Variants in MEA1 observed in about 807,000 individuals in gnomAD.
MEA1 encodes Male-enhanced antigen (H-Y structural gene).
In MEA1, 22 loss-of-function variants were observed where a neutral mutation model predicts 21.4. The observed-to-expected ratio is 1.03, with a 90% CI of 0.73 to 1.47. The LOEUF (loss-of-function observed/expected upper bound fraction) is 1.47. Ranked by LOEUF, MEA1 falls within the 40% of genes most tolerant of loss-of-function variation. The probability of loss-of-function intolerance (pLI) is 0.00; values close to 1 mark genes in which losing one functional copy is unlikely to be tolerated. For missense variants in MEA1, 233 were observed against 230.5 expected (o/e 1.01, Z -0.07); for synonymous variants, 91 against 85.5 (o/e 1.06, Z -0.35).
upstream of MEA1, chr6:43,014,552 C>T (rs1360105408): frequency 2.2e-6 from 1 of 462,720 alleles, no homozygotes; most frequent in African/African-American, 2.0e-5. Flanking sequence ...GACCTGGTGT[C>T]TGGAGGAAGC....
rs1762445506 is a variant in MEA1, at chr6:43,013,400, A to C, written c.29-11T>G. 6.2e-7 allele frequency: 1 copy of C among 1,610,672 alleles called. No individual in the cohort carries two copies. The highest frequency in any genetic ancestry group is 8.5e-7 in the Non-Finnish European group (1 of 1,178,800). On this transcript the variant is annotated splice_polypyrimidine_tract_variant and intron_variant, in intron 1 of 3. Coordinates refer to ENST00000244711, the MANE Select transcript of MEA1 (RefSeq NM_014623.4). ...CCATCCGGGCAGGGGCTGCAAGAAC[A>C]GGGAGGCGGTAGGACAGGGATCGGA... is the stretch of plus-strand genomic sequence containing the variant.
Position 43,012,054 on chromosome 6 carries a change from C to G in MEA1, c.*416G>C. The stretch of plus-strand genomic sequence containing the variant: ...TTTTCTGTGCTGTTGGTTCCCAAAA[C>G]TAGAAAGAAGGAAGCAGGGAGCGGT... On this transcript the variant is annotated 3_prime_UTR_variant, in exon 4 of 4. Transcript: ENST00000244711. 2.9e-6 allele frequency: 1 copy of G among 345,722 alleles called. No individual in the cohort carries two copies. The highest frequency in any genetic ancestry group is 4.1e-6 in the Non-Finnish European group (1 of 244,010). The allele number at this position is 345,722 out of a possible 1,614,324, so 21.4% of individuals were successfully genotyped here.
chr6:43,015,587 C>T (rs1426002368), upstream of MEA1, among the ~76,000 whole-genome samples: 8 of 152,136 alleles, frequency 5.3e-5, no homozygotes, highest in East Asian at 9.7e-4. Context: ...TGGTGGCTCA[C>T]GCCTGTAATC....
chr6:43,015,264 T>C (rs1171372405), upstream of MEA1, among the ~76,000 whole-genome samples: 1 of 152,078 alleles, frequency 6.6e-6, no homozygotes, highest in Admixed American at 6.6e-5. Context: ...CCCATGGCTA[T>C]TTAAAGCTTA....
upstream of MEA1, chr6:43,014,015 G>A: frequency 1.4e-6 from 2 of 1,416,450 alleles, no homozygotes; most frequent in South Asian, 3.2e-5. Context: ...TCCGCCCCTT[G>A]CCCCGCCTCC....
upstream of MEA1, chr6:43,014,137 C>T: frequency 7.1e-6 from 10 of 1,415,674 alleles, no homozygotes; most frequent in Non-Finnish European, 9.2e-6. Context: ...ACTCCTCAGC[C>T]CTCTCGTCCC....
Position 43,012,961 on chromosome 6 carries a change from G to A in MEA1, c.371C>T (p.Ala124Val), listed in dbSNP as rs148647027. 35 of 1,614,112 alleles carry A rather than the reference G, an allele frequency of 2.2e-5. No individual in the cohort carries two copies. The highest frequency in any genetic ancestry group is 6.7e-5 in the Admixed American group (4 of 60,024). Residue 124 changes from alanine to valine, a missense_variant, in exon 3 of 4, where the codon GCG (alanine) becomes GTG (valine). Transcript: ENST00000244711. The stretch of plus-strand genomic sequence containing the variant: ...GGGAATAGAGCTGTGGTTGTTCAAC[G>A]CTGTAGCTCCCTCCTCATCTTCATC... Reference protein sequence around the residue: ...SEDEDEEGATALNNHSSIPMD... With the variant: ...SEDEDEEGATVLNNHSSIPMD...
At position 43,011,213 on chromosome 6, in the gene MEA1, T is replaced by TGTACACCATCAA; in HGVS notation, c.*1245_*1256dup. 6.2e-7 allele frequency: 1 copy of TGTACACCATCAA among 1,614,122 alleles called. No homozygotes were observed. The highest frequency in any genetic ancestry group is 8.5e-7 in the Non-Finnish European group (1 of 1,180,008). On this transcript the variant is annotated 3_prime_UTR_variant, in exon 4 of 4. Coordinates refer to ENST00000244711, the MANE Select transcript of MEA1 (RefSeq NM_014623.4). ...AGGAAGTCGGAGCTGCCCCAGGACGTGTACACCATCAAGGCACTGGAGGCG... is the reference window on the plus strand; with the variant it reads ...AGGAAGTCGGAGCTGCCCCAGGACGTGTACACCATCAAGTACACCATCAAGGCACTGGAGGCG...
At chr6:43,014,234 A>C, upstream of MEA1, 1 of 1,144,980 alleles carries the variant, frequency 8.7e-7, no homozygotes, top group Non-Finnish European at 1.2e-6. Context: ...CGCCGGAAGA[A>C]CCGAGCTTGG....
rs115219326 is a variant in MEA1, at chr6:43,011,671, T to C, written c.*799A>G. The C allele has an allele frequency of 2.4e-3, 560 of 231,142 alleles. 1 individual carries two copies. The highest frequency in any genetic ancestry group is 0.012 in the African/African-American group (508 of 43,914). 14.3% of individuals were successfully genotyped at this position (231,142 alleles called of 1,614,324 possible). A position where few individuals can be genotyped will look rare whatever the true frequency, so the allele number is the denominator to read the frequency against. On this transcript the variant is annotated 3_prime_UTR_variant, in exon 4 of 4. Transcript: ENST00000244711. ...CGCCAGGTATCTCCCCTCCTCTCTC[T>C]CCCCTGCAGAGGCATGTAGGGAACA...
upstream of MEA1, among the ~76,000 whole-genome samples, chr6:43,015,378 C>G (rs1243385018): frequency 6.6e-6 from 1 of 152,176 alleles, no homozygotes; most frequent in African/African-American, 2.4e-5. Context: ...GTTTTAGTGC[C>G]TGAGGTTTTG....
Position 43,013,009 on chromosome 6 carries a change from G to C in MEA1, c.323C>G (p.Pro108Arg). 6.2e-7 allele frequency: 1 copy of C among 1,614,212 alleles called. No individual in the cohort carries two copies. The highest frequency in any genetic ancestry group is 1.1e-5 in the South Asian group (1 of 91,088). Residue 108 changes from proline to arginine, a missense_variant, in exon 3 of 4, where the codon CCA (proline) becomes CGA (arginine). Coordinates refer to ENST00000244711, the MANE Select transcript of MEA1 (RefSeq NM_014623.4). ...DRIQALGLHL[P>R]DPPLESEDED... ...ATCTTCACTCTCTAATGGTGGGTCT[G>C]GCAAATGAAGCCCCAGGGCCTGCAG...
Position 43,011,634 on chromosome 6 carries a change from T to G in MEA1, c.*836A>C. The G allele has an allele frequency of 3.6e-6, 1 of 276,840 alleles. No individual in the cohort carries two copies. The highest frequency in any genetic ancestry group is 6.9e-6 in the Non-Finnish European group (1 of 144,238). The allele number at this position is 276,840 out of a possible 1,614,324, so 17.1% of individuals were successfully genotyped here. A position where few individuals can be genotyped will look rare whatever the true frequency, so the allele number is the denominator to read the frequency against. ...ATACGCTCCTCTATTCTTCCCTTCATCCTCATTTGAACGCCAGGTATCTCC... is the reference window on the plus strand; with the variant it reads ...ATACGCTCCTCTATTCTTCCCTTCAGCCTCATTTGAACGCCAGGTATCTCC... On this transcript the variant is annotated 3_prime_UTR_variant, in exon 4 of 4. Transcript: ENST00000244711.
upstream of MEA1, chr6:43,014,300 C>T: frequency 1.4e-6 from 1 of 699,162 alleles, no homozygotes. Flanking sequence ...GGGTTCTAGG[C>T]TGCAGGCAGC....
chr6:43,011,267 C>T lies in MEA1; in HGVS notation c.*1203G>A. On this transcript the variant is annotated 3_prime_UTR_variant, in exon 4 of 4. Transcript: ENST00000244711. ...AAGCGGGCGGAAGAGTTCCTAACTG[C>T]CAGCCAGGAGGCTCTCTGACCCCTC... 1 of 1,614,028 alleles carries T rather than the reference C, an allele frequency of 6.2e-7. No homozygotes were observed. Among genetic ancestry groups the T allele is most frequent in the Non-Finnish European group, 8.5e-7 (1 of 1,179,988 alleles).
upstream of MEA1, among the ~76,000 whole-genome samples, chr6:43,015,127 T>A (rs1008540473): frequency 4.6e-5 from 7 of 152,204 alleles, no homozygotes; most frequent in African/African-American, 1.7e-4. Flanking sequence ...TAAGGGAGGA[T>A]GGAAGACTTC....
At chr6:43,013,663 C>T in intron 1 of MEA1, 123 bp downstream of exon 1, 1 of 1,104,812 alleles carries the variant, frequency 9.1e-7, no homozygotes, top group South Asian at 1.4e-5. Context: ...ACACCCCTTC[C>T]AGAACCCCGG....
Position 43,012,981 on chromosome 6 carries a change from T to G in MEA1, c.351A>C (p.Glu117Asp). The G allele has an allele frequency of 6.2e-7, 1 of 1,614,066 alleles. No homozygotes were observed. The highest frequency in any genetic ancestry group is 8.5e-7 in the Non-Finnish European group (1 of 1,180,028). ...LPDPPLESED[E>D]DEEGATALNN... ...TCAACGCTGTAGCTCCCTCCTCATC[T>G]TCATCTTCACTCTCTAATGGTGGGT... The change falls in exon 3 of 4, where the codon GAA (glutamate) becomes GAC (aspartate). Residue 117 changes from glutamate to aspartate, a missense_variant. Glu to Asp is a conservative substitution (Grantham distance 45). Transcript: ENST00000244711.
chr6:43,012,613 C>A lies in MEA1; in HGVS notation c.415G>T (p.Glu139Ter). ...SSIPMDPEHV[E>*]LVKRTMAGVS... Reference sequence around the variant, plus strand: ...CCAGCCATTGTCCTTTTCACCAGCTCTACATGTTCTGAAATCAGAGCCAGA... The same window carrying A: ...CCAGCCATTGTCCTTTTCACCAGCTATACATGTTCTGAAATCAGAGCCAGA... The change falls in exon 4 of 4, where the codon GAG (glutamate) becomes TAG (stop). Residue 139 changes from glutamate (E) to a stop codon, truncating the protein, a stop_gained. Coordinates refer to ENST00000244711, the MANE Select transcript of MEA1 (RefSeq NM_014623.4). LOFTEE classifies it high-confidence loss of function. 2 of 1,598,000 alleles carry A rather than the reference C, an allele frequency of 1.3e-6. No individual in the cohort carries two copies. Among genetic ancestry groups the A allele is most frequent in the Non-Finnish European group, 1.7e-6 (2 of 1,173,932 alleles).
Sources: gnomAD v4.1 joint callset for allele counts (sites outside exome capture counted in the v4.1 genomes callset) on GRCh38, gnomAD v4.1.1 for gene constraint, MANE v1.5 for transcripts, NCBI Gene and HGNC (gene_info 2026-07-23, HGNC 2026-07-21) for gene names.